The following LPCAT1 variants were observed in gnomAD, a reference collection of about 807,000 sequenced individuals.
LPCAT1 encodes the protein 1-acylglycerol-3-phosphate O-acyltransferase.
Under a neutral mutation model 60.9 loss-of-function variants are expected in LPCAT1, and 23 were observed. The ratio of observed to expected loss-of-function variants is 0.38; its 90% CI spans 0.27 to 0.53. The LOEUF is 0.53. LPCAT1 is among the 20% of genes least tolerant of loss of function. The pLI is 0.82. For synonymous variants in LPCAT1, 340 were observed against 301.1 expected, an observed-to-expected ratio of 1.13 and a Z score of -1.34; for missense variants, 622 against 723.6, an observed-to-expected ratio of 0.86 and a Z score of 1.61.
chr5:1,519,726 G>A (rs1736614055), intron 1 of LPCAT1, among the ~76,000 whole-genome samples: 1 of 152,240 alleles, frequency 6.6e-6, no homozygotes. Context: ...AATGACGCTT[G>A]GGCCTCTACT....
intron 2 of LPCAT1, among the ~76,000 whole-genome samples, chr5:1,498,599 T>C (rs111298049): frequency 6.6e-6 from 1 of 152,114 alleles, no homozygotes; most frequent in Non-Finnish European, 1.5e-5. Context: ...ATCATACATA[T>C]GTGGACACCT....
intron 1 of LPCAT1, among the ~76,000 whole-genome samples, chr5:1,516,331 A>C (rs920314103): frequency 3.3e-5 from 5 of 152,186 alleles, no homozygotes; most frequent in African/African-American, 1.2e-4. Flanking sequence ...ATGATGATTC[A>C]CATGGCACAC....
rs1734096739 is a variant in LPCAT1 at position 1,461,632 on chromosome 5, T to C, written c.*2019A>G. 6.5e-6 allele frequency: 1 copy of C among 152,844 alleles called. No homozygotes were observed. The highest frequency in any genetic ancestry group is 1.5e-5 in the Non-Finnish European group (1 of 68,054). The allele number at this position is 152,844 out of a possible 1,614,324, so 9.5% of individuals were successfully genotyped here. On this transcript the variant is annotated 3_prime_UTR_variant, in exon 14 of 14. Coordinates refer to ENST00000283415, the MANE Select transcript of LPCAT1 (RefSeq NM_024830.5). The stretch of plus-strand genomic sequence containing the variant: ...GGGGTTTAACTCAACGCTATGTACA[T>C]TCACAGTTCCGAATATCCGCCAACT...
chr5:1,488,515 A>T, intron 4 of LPCAT1, 64 bp from the exon 5 acceptor site: 1 of 1,110,956 alleles, frequency 9.0e-7, no homozygotes, highest in Admixed American at 2.4e-5. Flanking sequence ...CAGAACTTAC[A>T]GAAGCCAATC....
At chr5:1,511,487 G>GT (rs1719597096) in intron 1 of LPCAT1, among the ~76,000 whole-genome samples, 1 of 147,898 alleles carries the variant, frequency 6.8e-6, no homozygotes. Flanking sequence ...ACTTGGGGAT[G>GT]CACCTGCTCA....
chr5:1,468,056 AC>A (rs1288148033), intron 12 of LPCAT1, among the ~76,000 whole-genome samples: 15 of 151,906 alleles, frequency 9.9e-5, no homozygotes, highest in Admixed American at 7.9e-4. Context: ...CTTCACCTCC[AC>A]CGGCTCCTCC....
At chr5:1,465,158 A>G (rs1734307852) in intron 13 of LPCAT1, among the ~76,000 whole-genome samples, 1 of 149,574 alleles carries the variant, frequency 6.7e-6, no homozygotes, top group South Asian at 2.1e-4. Flanking sequence ...CGGTAACTAA[A>G]CATGCATGCA....
chr5:1,467,960 G>A (rs532377676), intron 12 of LPCAT1, among the ~76,000 whole-genome samples: 1 of 152,276 alleles, frequency 6.6e-6, no homozygotes, highest in East Asian at 1.9e-4. Context: ...GCTGCAGCGC[G>A]CTGTGATCTT....
intron 1 of LPCAT1, among the ~76,000 whole-genome samples, chr5:1,519,628 G>A (rs769514273): frequency 6.6e-6 from 1 of 152,210 alleles, no homozygotes; most frequent in Non-Finnish European, 1.5e-5. Context: ...TCCCTGCCTG[G>A]GAGACGGCAC....
At chr5:1,505,410 C>T (rs1736151609) in intron 1 of LPCAT1, among the ~76,000 whole-genome samples, 1 of 152,250 alleles carries the variant, frequency 6.6e-6, no homozygotes, top group Non-Finnish European at 1.5e-5. Flanking sequence ...TCACAGTAAC[C>T]CATGGTGTTC....
intron 12 of LPCAT1, among the ~76,000 whole-genome samples, chr5:1,468,857 C>T (rs906246828): frequency 2.0e-5 from 3 of 152,222 alleles, no homozygotes; most frequent in Non-Finnish European, 4.4e-5. Context: ...AAGAGCAGCA[C>T]GCTGGTGCAC....
intron 1 of LPCAT1, among the ~76,000 whole-genome samples, chr5:1,505,914 G>A (rs1736173617): frequency 6.6e-6 from 1 of 152,240 alleles, no homozygotes; most frequent in Non-Finnish European, 1.5e-5. Context: ...ACCAGTCAGT[G>A]CACCTGCTCC....
At chr5:1,506,762 G>T (rs993789045) in intron 1 of LPCAT1, among the ~76,000 whole-genome samples, 1 of 152,260 alleles carries the variant, frequency 6.6e-6, no homozygotes, top group African/African-American at 2.4e-5. Context: ...TGGAGACTCA[G>T]GTCGCTAAAG....
chr5:1,497,214 G>A (rs932707105), intron 2 of LPCAT1, among the ~76,000 whole-genome samples: 1 of 152,242 alleles, frequency 6.6e-6, no homozygotes, highest in Admixed American at 6.5e-5. Flanking sequence ...TGTCACTGTG[G>A]AGACAAGCAA....
At chr5:1,501,429 C>CT in intron 2 of LPCAT1, 32 bp downstream of exon 2, 2 of 1,583,592 alleles carry the variant, frequency 1.3e-6, no homozygotes, top group South Asian at 2.3e-5. Context: ...GACCCCCCCC[C>CT]AGGAGGAGAG....
chr5:1,484,006 G>A (rs1291983105), intron 5 of LPCAT1, among the ~76,000 whole-genome samples: 1 of 152,264 alleles, frequency 6.6e-6, no homozygotes, highest in African/African-American at 2.4e-5. Context: ...CCACCTGACG[G>A]GGTTAGGGTC....
chr5:1,467,163 C>T (rs774028944), intron 12 of LPCAT1: 11 of 363,686 alleles, frequency 3.0e-5, no homozygotes, highest in Non-Finnish European at 5.4e-5. Context: ...CGTGATAGCT[C>T]AGCAAACCAA....
At chr5:1,507,555 C>T (rs1322794733) in intron 1 of LPCAT1, among the ~76,000 whole-genome samples, 1 of 152,232 alleles carries the variant, frequency 6.6e-6, no homozygotes, top group African/African-American at 2.4e-5. Flanking sequence ...CTCCAGGTCA[C>T]AGGTGGGAAA....
intron 2 of LPCAT1, among the ~76,000 whole-genome samples, chr5:1,500,963 T>G (rs1424730185): frequency 6.6e-6 from 1 of 152,078 alleles, no homozygotes; most frequent in Non-Finnish European, 1.5e-5. Flanking sequence ...CCTGTGTCAC[T>G]GTGGTGCCCT....
Sources: allele counts gnomAD v4.1 joint callset (sites outside exome capture counted in the v4.1 genomes callset), GRCh38; gene constraint gnomAD v4.1.1; transcripts MANE v1.5; gene names NCBI Gene and HGNC (gene_info 2026-07-23, HGNC 2026-07-21).